The following CCDC171 variants were observed in gnomAD, a reference collection of about 807,000 sequenced individuals.
The protein encoded by CCDC171 is coiled-coil domain containing 171.
A neutral mutation model predicts 168.2 loss-of-function variants in CCDC171; 177 were observed. The ratio of observed to expected loss-of-function variants is 1.05; its 90% CI spans 0.93 to 1.19. The LOEUF (loss-of-function observed/expected upper bound fraction) is 1.19. Among genes scored for constraint, CCDC171 ranks in the 50% most tolerant of loss-of-function variants. The probability of loss-of-function intolerance (pLI) is 0.00; values close to 1 mark genes in which losing one functional copy is unlikely to be tolerated. For synonymous variants in CCDC171, 687 were observed against 540.8 expected, an observed-to-expected ratio of 1.27 and a Z score of -3.75; for missense variants, 1,991 against 1,539.0, an observed-to-expected ratio of 1.29 and a Z score of -4.91.
intron 7 of CCDC171, among the ~76,000 whole-genome samples, chr9:15,641,573 G>C (rs1016388307): frequency 1.3e-5 from 2 of 152,114 alleles, no homozygotes; most frequent in East Asian, 1.9e-4. Context: ...TGCTGAATTG[G>C]AGTCTTCAGC....
chr9:15,944,709 A>G (rs778150591), intron 25 of CCDC171, among the ~76,000 whole-genome samples: 1 of 151,992 alleles, frequency 6.6e-6, no homozygotes, highest in East Asian at 1.9e-4. Flanking sequence ...CCTTTATGTT[A>G]TAATCAATTG....
chr9:15,887,307 A>G (rs1819562234), intron 24 of CCDC171, among the ~76,000 whole-genome samples: 2 of 152,166 alleles, frequency 1.3e-5, no homozygotes, highest in South Asian at 4.1e-4. Flanking sequence ...AACCAGTGAA[A>G]TGTAGAGTAA....
intron 24 of CCDC171, among the ~76,000 whole-genome samples, chr9:15,897,883 G>T (rs1352205512): frequency 6.6e-6 from 1 of 152,134 alleles, no homozygotes; most frequent in African/African-American, 2.4e-5. Flanking sequence ...AGTGAACATG[G>T]GCTTTGGAAT....
chr9:15,638,741 T>G (rs763109835), intron 7 of CCDC171, among the ~76,000 whole-genome samples: 9 of 151,826 alleles, frequency 5.9e-5, no homozygotes, highest in African/African-American at 1.2e-4. Context: ...CATCTTAACA[T>G]GGATCAATGC....
chr9:16,102,567 T>C, the CCDC171 span, among the ~76,000 whole-genome samples: 5 of 152,218 alleles, frequency 3.3e-5, no homozygotes, highest in Non-Finnish European at 5.9e-5. Context: ...TAGAACCTCC[T>C]TAGGCATGGA....
chr9:15,882,670 T>A (rs1002225292), intron 24 of CCDC171, among the ~76,000 whole-genome samples: 4 of 152,124 alleles, frequency 2.6e-5, no homozygotes, highest in Admixed American at 1.3e-4. Context: ...TTATGCCTTG[T>A]CATCCTCAAT....
chr9:15,680,382 A>T (rs1366251101), intron 10 of CCDC171, among the ~76,000 whole-genome samples: 1 of 152,112 alleles, frequency 6.6e-6, no homozygotes, highest in Non-Finnish European at 1.5e-5. Flanking sequence ...TTATATTCCA[A>T]AAGTTTTAGT....
At chr9:15,794,926 G>A (rs1202157006) in intron 21 of CCDC171, among the ~76,000 whole-genome samples, 4 of 152,168 alleles carry the variant, frequency 2.6e-5, no homozygotes, top group African/African-American at 7.2e-5. Flanking sequence ...TGTAATGTAT[G>A]TTTCTCCTAC....
At chr9:15,569,989 A>G (rs979699495) in intron 2 of CCDC171, among the ~76,000 whole-genome samples, 14 of 136,738 alleles carry the variant, frequency 1.0e-4, no homozygotes, top group African/African-American at 3.5e-4. Flanking sequence ...CTTTTTTTTG[A>G]GATGGAGTTT....
intron 4 of CCDC171, among the ~76,000 whole-genome samples, chr9:15,586,875 A>G (rs2041603401): frequency 6.6e-6 from 1 of 152,144 alleles, no homozygotes; most frequent in Non-Finnish European, 1.5e-5. Flanking sequence ...TGGTGTGGTC[A>G]TAGCTCAGTG....
intron 18 of CCDC171, among the ~76,000 whole-genome samples, chr9:15,766,041 C>T (rs2056704996): frequency 6.6e-6 from 1 of 152,094 alleles, no homozygotes; most frequent in Non-Finnish European, 1.5e-5. Context: ...TAATGTTTCC[C>T]TTGGGGAAAA....
At position 15,971,678 on chromosome 9, in the gene CCDC171, A is replaced by G. The variant is rs764765448; in HGVS notation, c.3823A>G (p.Ile1275Val). The G allele has an allele frequency of 1.9e-6, 3 of 1,613,842 alleles. No individual in the cohort carries two copies. The highest frequency in any genetic ancestry group is 4.5e-5 in the East Asian group (2 of 44,858). Residue 1275 changes from isoleucine to valine, a missense_variant, in exon 26 of 26, where the codon ATT becomes GTT. Ile to Val is a conservative substitution (Grantham distance 29). Coordinates refer to ENST00000380701, the MANE Select transcript of CCDC171 (RefSeq NM_173550.4). ...TCCTCTTCCTGCTGACACAACTGGT[A>G]TTGGGGATTTCTTACCATTGAAAGC... ...RAPLPADTTG[I>V]GDFLPLKAEL...
chr9:15,560,689 G>A (rs2039222830), intron 1 of CCDC171, among the ~76,000 whole-genome samples: 1 of 151,992 alleles, frequency 6.6e-6, no homozygotes, highest in Non-Finnish European at 1.5e-5. Flanking sequence ...CCTTTAGCTC[G>A]GAGAAGTTTA....
chr9:15,833,756 G>C (rs1007277116), intron 21 of CCDC171, among the ~76,000 whole-genome samples: 4 of 152,066 alleles, frequency 2.6e-5, no homozygotes, highest in Non-Finnish European at 5.9e-5. Context: ...TTGCCACTTG[G>C]CTAAATAATT....
At chr9:15,760,995 G>T (rs1206878231) in intron 18 of CCDC171, among the ~76,000 whole-genome samples, 1 of 152,152 alleles carries the variant, frequency 6.6e-6, no homozygotes, top group African/African-American at 2.4e-5. Flanking sequence ...ATCATGATGG[G>T]AATGGACTAA....
At chr9:15,959,989 T>C (rs973944610) in intron 25 of CCDC171, among the ~76,000 whole-genome samples, 4 of 152,116 alleles carry the variant, frequency 2.6e-5, no homozygotes, top group African/African-American at 4.8e-5. Flanking sequence ...CCCTAATACA[T>C]TGAAGGCAGA....
chr9:15,615,892 C>A (rs115583027), intron 6 of CCDC171, among the ~76,000 whole-genome samples: 1 of 152,044 alleles, frequency 6.6e-6, no homozygotes, highest in East Asian at 1.9e-4. Context: ...GATCCTCCCA[C>A]CTCAGCCCTC....
chr9:15,916,526 A>T (rs1210924414), intron 24 of CCDC171, among the ~76,000 whole-genome samples: 1 of 152,070 alleles, frequency 6.6e-6, no homozygotes, highest in Non-Finnish European at 1.5e-5. Flanking sequence ...ATATTTTGGC[A>T]TGTAGGCTTT....
chr9:16,044,881 C>G (rs760060794), intron 1 of CCDC171, among the ~76,000 whole-genome samples: 2 of 152,140 alleles, frequency 1.3e-5, no homozygotes, highest in Non-Finnish European at 2.9e-5. Context: ...TTCTTGTTGC[C>G]AATTTGCCCC....
Sources: gnomAD v4.1 joint callset for allele counts (sites outside exome capture counted in the v4.1 genomes callset) on GRCh38, gnomAD v4.1.1 for gene constraint, MANE v1.5 for transcripts, NCBI Gene and HGNC (gene_info 2026-07-23, HGNC 2026-07-21) for gene names.